The following POU2F3 variants were observed in gnomAD, a reference collection of about 807,000 sequenced individuals.
POU2F3 encodes the protein POU class 2 homeobox 3, also known as POU domain, class 2, transcription factor 3.
Under a neutral mutation model 59.2 loss-of-function variants are expected in POU2F3, and 23 were observed. The observed-to-expected ratio is 0.39, with a 90% CI of 0.28 to 0.55. POU2F3 has a LOEUF of 0.55. Among genes scored for constraint, POU2F3 ranks in the 20% least tolerant of loss-of-function variants. The pLI is 0.66. For missense variants in POU2F3, 473 were observed against 544.5 expected (o/e 0.87, Z 1.31); for synonymous variants, 190 against 214.6 (o/e 0.89, Z 1.00).
intron 11 of POU2F3, 80 bp from the exon 12 acceptor site, chr11:120,317,149 G>A: frequency 1.9e-6 from 3 of 1,542,700 alleles, no homozygotes; most frequent in Non-Finnish European, 2.7e-6. Context: ...CAGGAAATTT[G>A]TGTCTGAGGG....
chr11:120,280,539 G>T (rs370397297), intron 3 of POU2F3, among the ~76,000 whole-genome samples: 1 of 152,158 alleles, frequency 6.6e-6, no homozygotes, highest in African/African-American at 2.4e-5. Context: ...ACTTGCCCAA[G>T]GTGGAGCTCA....
intron 10 of POU2F3, among the ~76,000 whole-genome samples, chr11:120,310,187 G>C (rs1941617197): frequency 6.6e-6 from 1 of 152,208 alleles, no homozygotes; most frequent in South Asian, 2.1e-4. Flanking sequence ...TGTGATGGAG[G>C]CTTGGCCCAG....
intron 8 of POU2F3, among the ~76,000 whole-genome samples, chr11:120,306,311 G>A (rs1941485362): frequency 6.6e-6 from 1 of 152,186 alleles, no homozygotes; most frequent in African/African-American, 2.4e-5. Context: ...GGGTTTGCAG[G>A]AGGACTCAGT....
intron 5 of POU2F3, among the ~76,000 whole-genome samples, chr11:120,300,502 G>A (rs549312388): frequency 6.6e-6 from 1 of 152,222 alleles, no homozygotes; most frequent in South Asian, 2.1e-4. Context: ...GGTGGCTCAC[G>A]CCTGTAATCC....
At chr11:120,289,621 C>T (rs1317303620) in intron 3 of POU2F3, among the ~76,000 whole-genome samples, 3 of 152,144 alleles carry the variant, frequency 2.0e-5, no homozygotes, top group Non-Finnish European at 4.4e-5. Context: ...GAAGAGAAAG[C>T]CCCGTTTCAC....
intron 3 of POU2F3, 75 bp from the exon 4 acceptor site, chr11:120,298,190 A>G: frequency 2.0e-6 from 3 of 1,506,888 alleles, no homozygotes; most frequent in South Asian, 2.5e-5. Context: ...TCCTGCCTGG[A>G]TCTTCCTGCC....
chr11:120,316,075 T>C (rs564520730), intron 11 of POU2F3, among the ~76,000 whole-genome samples: 1 of 152,168 alleles, frequency 6.6e-6, no homozygotes, highest in Admixed American at 6.5e-5. Flanking sequence ...GGTTTCTCCA[T>C]GTTGGTCAGG....
intron 2 of POU2F3, chr11:120,253,664 G>A (rs970707426): frequency 6.6e-5 from 10 of 152,244 alleles, no homozygotes; most frequent in African/African-American, 1.9e-4. Context: ...CCTAAAGATG[G>A]TGGTAGGAAG....
intron 2 of POU2F3, among the ~76,000 whole-genome samples, chr11:120,262,550 A>G (rs1270128727): frequency 6.6e-6 from 1 of 152,274 alleles, no homozygotes; most frequent in Non-Finnish European, 1.5e-5. Context: ...CTTAAGCACA[A>G]TATCATTATC....
rs1491377586 is a variant in POU2F3 at position 120,274,111 on chromosome 11, GGA to G, written c.132+4868_132+4869del. 4.6e-4 allele frequency among the ~76,000 whole-genome samples: 42 copies of G among 91,170 alleles called. No individual in the cohort carries two copies. The East Asian group carries it at 0.015, about 34-fold the overall frequency. 59.8% of individuals were successfully genotyped at this position (91,170 alleles called of 152,430 possible). ...AGAAAGGAAGGAAGGAAGGAAGAAA[GGA>G]AGGAAGGAAGGAAGGAAGGAAGGAA... is the stretch of plus-strand genomic sequence containing the variant. On this transcript the variant is annotated intron_variant, in intron 3 of 12. Coordinates refer to ENST00000543440, the MANE Select transcript of POU2F3 (RefSeq NM_014352.4).
intron 2 of POU2F3, chr11:120,254,754 C>T (rs1480924998): frequency 6.6e-6 from 1 of 152,236 alleles, no homozygotes; most frequent in South Asian, 2.1e-4. Flanking sequence ...GGATGTGTGA[C>T]CAGAGCCCTC....
At chr11:120,294,937 G>T (rs147308891) in intron 3 of POU2F3, among the ~76,000 whole-genome samples, 1 of 152,024 alleles carries the variant, frequency 6.6e-6, no homozygotes, top group African/African-American at 2.4e-5. Context: ...CAAAGGAACC[G>T]TAAAGAAGAT....
In POU2F3 at chr11:120,305,173, G is replaced by C. The variant is rs1458000909; in HGVS notation, c.588G>C (p.Lys196Asn). ...TCGAGGAGCTGGAGAAGTTTGCCAA[G>C]ACCTTCAAGCAGAGGCGCATTAAGC... ...SDLEELEKFA[K>N]TFKQRRIKLG... Residue 196 changes from lysine (K) to asparagine (N), a missense_variant, in exon 7 of 13, where the codon AAG becomes AAC. Coordinates refer to ENST00000543440, the MANE Select transcript of POU2F3 (RefSeq NM_014352.4). 6.2e-7 allele frequency: 1 copy of C among 1,613,858 alleles called. No homozygotes were observed. Among genetic ancestry groups the C allele is most frequent in the African/African-American group, 1.3e-5 (1 of 74,938 alleles).
rs1175746020 is a variant in POU2F3 at position 120,318,402 on chromosome 11, G to A, written c.*10G>A. 6.3e-7 allele frequency: 1 copy of A among 1,588,496 alleles called. No homozygotes were observed. Among genetic ancestry groups the A allele is most frequent in the East Asian group, 2.2e-5 (1 of 44,722 alleles). The stretch of plus-strand genomic sequence containing the variant: ...CACCTACCTCCACTGAGACCAAAAA[G>A]TTTCTCCTACTCCAGCTGGCCCTGT... On this transcript the variant is annotated 3_prime_UTR_variant, in exon 13 of 13. Coordinates refer to ENST00000543440, the MANE Select transcript of POU2F3 (RefSeq NM_014352.4).
At chr11:120,281,854 G>A (rs139492806) in intron 3 of POU2F3, among the ~76,000 whole-genome samples, 61 of 151,994 alleles carry the variant, frequency 4.0e-4, no homozygotes, top group African/African-American at 1.3e-3. Flanking sequence ...TTTCCTCTCT[G>A]TTCAATGGGA....
At chr11:120,238,100 C>T (rs1343765524), upstream of POU2F3, among the ~76,000 whole-genome samples, 1 of 152,046 alleles carries the variant, frequency 6.6e-6, no homozygotes, top group African/African-American at 2.4e-5. Flanking sequence ...ATTAGCCGGG[C>T]ATGGTGGCGC....
chr11:120,311,514 G>A (rs964156337), intron 10 of POU2F3, among the ~76,000 whole-genome samples: 1 of 152,210 alleles, frequency 6.6e-6, no homozygotes, highest in Non-Finnish European at 1.5e-5. Flanking sequence ...CCTCTGCGAT[G>A]ACTCTTGGCA....
intron 3 of POU2F3, among the ~76,000 whole-genome samples, chr11:120,278,231 A>C (rs918581506): frequency 1.3e-5 from 2 of 152,228 alleles, no homozygotes; most frequent in African/African-American, 4.8e-5. Flanking sequence ...GTCATATAAA[A>C]AGTTGTATGG....
intron 11 of POU2F3, among the ~76,000 whole-genome samples, chr11:120,316,135 A>G (rs1180178999): frequency 6.6e-6 from 1 of 152,068 alleles, no homozygotes; most frequent in Non-Finnish European, 1.5e-5. Context: ...CGGCCTCCCA[A>G]AGTGCTGGGA....
Sources: gnomAD v4.1 joint callset for allele counts (sites outside exome capture counted in the v4.1 genomes callset) on GRCh38, gnomAD v4.1.1 for gene constraint, MANE v1.5 for transcripts, NCBI Gene and HGNC (gene_info 2026-07-23, HGNC 2026-07-21) for gene names.